GUCY1A2: variants seen among roughly 807,000 people sequenced by gnomAD.
The protein encoded by GUCY1A2 is guanylate cyclase 1 soluble subunit alpha 2, also known as guanylate cyclase soluble subunit alpha-2.
Under a neutral mutation model 63.5 loss-of-function variants are expected in GUCY1A2, and 27 were observed. That is an observed-to-expected ratio of 0.43 (90% confidence interval 0.31 to 0.59). GUCY1A2 has a LOEUF of 0.59. Ranked by LOEUF, GUCY1A2 falls within the 20% of genes least tolerant of loss-of-function variation. The probability of loss-of-function intolerance (pLI) is 0.11; values close to 1 mark genes in which losing one functional copy is unlikely to be tolerated. For missense variants in GUCY1A2, 768 were observed against 913.3 expected (o/e 0.84, Z 2.05); for synonymous variants, 364 against 343.5 (o/e 1.06, Z -0.66).
At chr11:106,716,027 T>G (rs1320436896) in intron 6 of GUCY1A2, among the ~76,000 whole-genome samples, 1 of 152,132 alleles carries the variant, frequency 6.6e-6, no homozygotes, top group African/African-American at 2.4e-5. Context: ...CACCTTTGGC[T>G]AGGTTTGGAA....
intron 6 of GUCY1A2, among the ~76,000 whole-genome samples, chr11:106,715,447 TA>T (rs928915728): frequency 2.6e-5 from 4 of 152,178 alleles, no homozygotes; most frequent in African/African-American, 9.7e-5. Context: ...CAGCGCATTA[TA>T]AAAAATGCCC....
intron 4 of GUCY1A2, among the ~76,000 whole-genome samples, chr11:106,888,154 C>T (rs1859923741): frequency 6.6e-6 from 1 of 151,982 alleles, no homozygotes; most frequent in African/African-American, 2.4e-5. Flanking sequence ...TTTAAGGATG[C>T]TGAGAACCAA....
At chr11:106,962,977 T>C (rs959223014) in intron 3 of GUCY1A2, among the ~76,000 whole-genome samples, 1 of 152,090 alleles carries the variant, frequency 6.6e-6, no homozygotes, top group East Asian at 1.9e-4. Flanking sequence ...TTCTAAACAG[T>C]TGACTTTACA....
intron 6 of GUCY1A2, among the ~76,000 whole-genome samples, chr11:106,728,686 T>C (rs950450900): frequency 6.6e-5 from 10 of 152,200 alleles, no homozygotes; most frequent in Non-Finnish European, 1.2e-4. Context: ...CACTTCTGAA[T>C]AGTTAAAACT....
chr11:106,722,607 G>T (rs928706857), intron 6 of GUCY1A2, among the ~76,000 whole-genome samples: 1 of 151,932 alleles, frequency 6.6e-6, no homozygotes, highest in Non-Finnish European at 1.5e-5. Flanking sequence ...TTTAACCTGG[G>T]CTTTGAGAAG....
intron 4 of GUCY1A2, among the ~76,000 whole-genome samples, chr11:106,894,588 C>G (rs960437534): frequency 1.3e-5 from 2 of 152,088 alleles, no homozygotes; most frequent in African/African-American, 2.4e-5. Context: ...GACTAGAAGT[C>G]TTACAATGTC....
intron 4 of GUCY1A2, among the ~76,000 whole-genome samples, chr11:106,878,605 A>C (rs938401742): frequency 2.0e-5 from 3 of 151,958 alleles, no homozygotes; most frequent in Non-Finnish European, 4.4e-5. Flanking sequence ...AGATGGGAAC[A>C]CCAAACACTG....
At chr11:106,692,328 T>G (rs1862639758) in intron 7 of GUCY1A2, among the ~76,000 whole-genome samples, 1 of 152,176 alleles carries the variant, frequency 6.6e-6, no homozygotes, top group African/African-American at 2.4e-5. Context: ...TTTACCTGCC[T>G]GTCACCCTTT....
chr11:106,709,514 C>T (rs1388832240), intron 6 of GUCY1A2, among the ~76,000 whole-genome samples: 3 of 46,130 alleles, frequency 6.5e-5, no homozygotes, highest in Non-Finnish European at 1.0e-4. Flanking sequence ...ATATATTATT[C>T]TATAAATATA....
rs1860041518 is a variant in GUCY1A2 at position 106,895,949 on chromosome 11, G to A, written c.1206+43511C>T. On this transcript the variant is annotated intron_variant, in intron 4 of 7. Transcript: ENST00000526355. ...GAATCGCTTGAACCTGGAAGGCGAA[G>A]GTTTCAGTGAGCCAAGATCGTGCCA... 2.0e-5 allele frequency among the ~76,000 whole-genome samples: 3 copies of A among 151,288 alleles called. No homozygotes were observed. The South Asian group carries it at 6.3e-4, about 32-fold the overall frequency.
chr11:106,955,801 TTAA>T (rs1860976360), intron 3 of GUCY1A2, among the ~76,000 whole-genome samples: 1 of 152,108 alleles, frequency 6.6e-6, no homozygotes, highest in South Asian at 2.1e-4. Context: ...ACAGAGTATC[TTAA>T]TGATGTTCTC....
chr11:106,829,852 A>G (rs551267576), intron 4 of GUCY1A2, among the ~76,000 whole-genome samples: 1 of 152,328 alleles, frequency 6.6e-6, no homozygotes, highest in South Asian at 2.1e-4. Flanking sequence ...GGGAAACTAG[A>G]AGAACACAAT....
chr11:106,799,608 T>A (rs1864833748), intron 5 of GUCY1A2, among the ~76,000 whole-genome samples: 1 of 152,210 alleles, frequency 6.6e-6, no homozygotes, highest in Admixed American at 6.5e-5. Flanking sequence ...CTATCTGATC[T>A]TTGACAAACC....
chr11:106,732,965 G>A (rs1411620315), intron 6 of GUCY1A2, among the ~76,000 whole-genome samples: 1 of 152,114 alleles, frequency 6.6e-6, no homozygotes, highest in African/African-American at 2.4e-5. Context: ...TTTAGTCCCT[G>A]AGAAAAATAA....
chr11:106,805,755 G>A (rs1246300939), intron 5 of GUCY1A2, among the ~76,000 whole-genome samples: 4 of 152,104 alleles, frequency 2.6e-5, no homozygotes, highest in African/African-American at 7.2e-5. Context: ...GATGGCAGAC[G>A]GGAGAATCTC....
At chr11:106,841,168 C>T (rs942574582) in intron 4 of GUCY1A2, among the ~76,000 whole-genome samples, 1 of 151,818 alleles carries the variant, frequency 6.6e-6, no homozygotes, top group Admixed American at 6.6e-5. Context: ...CTCTGCCCTT[C>T]TACTAGTACG....
At chr11:106,946,854 T>C (rs995558939) in intron 3 of GUCY1A2, among the ~76,000 whole-genome samples, 2 of 152,120 alleles carry the variant, frequency 1.3e-5, no homozygotes, top group South Asian at 2.1e-4. Flanking sequence ...GTTAGGTAAA[T>C]TGCATGGTAT....
At position 106,848,967 on chromosome 11, in the gene GUCY1A2, C is replaced by A. The variant is rs184585873; in HGVS notation, c.1207-38489G>T. 1.5e-3 allele frequency among the ~76,000 whole-genome samples: 224 copies of A among 151,682 alleles called. 3 individuals are homozygous for A. The highest frequency in any genetic ancestry group is 3.3e-4 in the Non-Finnish European group (22 of 67,622). ...TAGAATTCCAGTAAGTCAAAGTCTT[C>A]TAAGCCAATTCTATTTCACAGAGCT... On this transcript the variant is annotated intron_variant, in intron 4 of 7. Transcript: ENST00000526355.
At chr11:106,724,865 T>C (rs1232341775) in intron 6 of GUCY1A2, among the ~76,000 whole-genome samples, 1 of 152,202 alleles carries the variant, frequency 6.6e-6, no homozygotes, top group African/African-American at 2.4e-5. Context: ...TATTATCTCA[T>C]TTGATTTCAT....
Sources: allele counts gnomAD v4.1 joint callset (sites outside exome capture counted in the v4.1 genomes callset), GRCh38; gene constraint gnomAD v4.1.1; transcripts MANE v1.5; gene names NCBI Gene and HGNC (gene_info 2026-07-23, HGNC 2026-07-21).